Variants in CCNT2 observed in about 807,000 individuals in gnomAD.
CCNT2 encodes cyclin T2, also known as cyclin-T2.
CCNT2 carries 18 observed loss-of-function variants against 70.0 expected under a neutral mutation model. The observed-to-expected ratio is 0.26, with a 90% CI of 0.18 to 0.38. CCNT2 has a LOEUF of 0.38. Among genes scored for constraint, CCNT2 ranks in the 10% least tolerant of loss-of-function variants. The pLI, the probability that CCNT2 is intolerant of heterozygous loss-of-function variation, is 1.00. For synonymous variants in CCNT2, 334 were observed against 313.3 expected, an observed-to-expected ratio of 1.07 and a Z score of -0.70; for missense variants, 734 against 890.2, an observed-to-expected ratio of 0.82 and a Z score of 2.23.
chr2:134,945,675 A>AT (rs1274901725), intron 5 of CCNT2: 1 of 1,241,862 alleles, frequency 8.1e-7, no homozygotes, highest in Non-Finnish European at 1.0e-6. Flanking sequence ...TGATGGAAGT[A>AT]TTTAAGCCAA....
Position 134,946,094 on chromosome 2 carries a change from C to G in CCNT2, c.494-7C>G. 6.7e-7 allele frequency: 1 copy of G among 1,502,540 alleles called. No homozygotes were observed. 93.1% of individuals were successfully genotyped at this position (1,502,540 alleles called of 1,614,324 possible). On this transcript the variant is annotated splice_region_variant and splice_polypyrimidine_tract_variant and intron_variant, in intron 5 of 8. Transcript: ENST00000264157. ...GTATTGTCTTCGTTTTTTTTTTTTTCTTACAGCAAGCAAGGATTTGGCACA... is the reference window on the plus strand; with the variant it reads ...GTATTGTCTTCGTTTTTTTTTTTTTGTTACAGCAAGCAAGGATTTGGCACA...
chr2:134,927,450 A>G (rs1186361278), intron 2 of CCNT2, among the ~76,000 whole-genome samples: 2 of 152,144 alleles, frequency 1.3e-5, no homozygotes, highest in East Asian at 3.9e-4. Flanking sequence ...GCATGGCAGG[A>G]GTGCAAGAGA....
chr2:134,940,985 T>C (rs923884751), intron 4 of CCNT2, among the ~76,000 whole-genome samples: 1 of 152,208 alleles, frequency 6.6e-6, no homozygotes, highest in Non-Finnish European at 1.5e-5. Flanking sequence ...GCTGCAGCTA[T>C]ACCAGCAGGC....
At position 134,958,405 on chromosome 2, in the gene CCNT2, T is replaced by A. The variant is rs531555131; in HGVS notation, c.*3757T>A. 6.6e-6 allele frequency: 1 copy of A among 152,316 alleles called. No individual in the cohort carries two copies. The highest frequency in any genetic ancestry group is 1.9e-4 in the East Asian group (1 of 5,190). The allele number at this position is 152,316 out of a possible 1,614,324, so 9.4% of individuals were successfully genotyped here. Reference sequence around the variant, plus strand: ...AAGGGAGACAGTAGGATTCACTGACTACCTTTACCCAGATGAGGGATCAAC... The same window carrying A: ...AAGGGAGACAGTAGGATTCACTGACAACCTTTACCCAGATGAGGGATCAAC... On this transcript the variant is annotated 3_prime_UTR_variant, in exon 9 of 9. Coordinates refer to ENST00000264157, the MANE Select transcript of CCNT2 (RefSeq NM_058241.3).
chr2:134,938,183 G>A (rs1392188417), intron 3 of CCNT2, among the ~76,000 whole-genome samples: 1 of 151,986 alleles, frequency 6.6e-6, no homozygotes, highest in Non-Finnish European at 1.5e-5. Flanking sequence ...ATTTCTTGGG[G>A]TACTGTTTAA....
chr2:134,939,870 T>G (rs1432681970), intron 4 of CCNT2, among the ~76,000 whole-genome samples: 1 of 152,232 alleles, frequency 6.6e-6, no homozygotes, highest in East Asian at 1.9e-4. Context: ...ACCATTCACC[T>G]TACTCAATTT....
intron 1 of CCNT2, among the ~76,000 whole-genome samples, chr2:134,919,284 C>T (rs989493473): frequency 1.3e-5 from 2 of 152,108 alleles, no homozygotes; most frequent in Non-Finnish European, 2.9e-5. Context: ...GAGTGTGGCT[C>T]AGGCGAAAGA....
chr2:134,932,178 G>A (rs1680828747), intron 2 of CCNT2, among the ~76,000 whole-genome samples: 1 of 128,928 alleles, frequency 7.8e-6, no homozygotes, highest in Non-Finnish European at 1.6e-5. Flanking sequence ...TAGAGACGGG[G>A]TTTCACCATG....
At position 134,919,804 on chromosome 2, in the gene CCNT2, T is replaced by C. The variant is rs1679744826; in HGVS notation, c.159-6T>C. The C allele has an allele frequency of 3.7e-6, 6 of 1,601,272 alleles. No homozygotes were observed. In the East Asian group the frequency reaches 1.3e-4, roughly 36 times the overall value. ...TGTCAGATATTTCCTAAATATTACG[T>C]TCCAGCTCTCAGCTTACAATAAACA... is the stretch of plus-strand genomic sequence containing the variant. On this transcript the variant is annotated splice_region_variant and splice_polypyrimidine_tract_variant and intron_variant, in intron 1 of 8. Transcript: ENST00000264157.
rs1682894683 is a variant in CCNT2, at chr2:134,955,916, C to CAGT, written c.*1272_*1274dup. On this transcript the variant is annotated 3_prime_UTR_variant, in exon 9 of 9. Transcript: ENST00000264157. ...GAAAAGGTCAGCCTCCCAGGCAAACCAGTAGTGGAGGTTTTACATTTGTTT... is the reference window on the plus strand; with the variant it reads ...GAAAAGGTCAGCCTCCCAGGCAAACCAGTAGTAGTGGAGGTTTTACATTTGTTT... The CAGT allele has an allele frequency of 6.6e-6, 1 of 152,594 alleles. No homozygotes were observed. The highest frequency in any genetic ancestry group is 1.9e-4 in the East Asian group (1 of 5,200). 9.5% of individuals were successfully genotyped at this position (152,594 alleles called of 1,614,324 possible). A position where few individuals can be genotyped will look rare whatever the true frequency, so the allele number is the denominator to read the frequency against.
At chr2:134,920,033 G>T in intron 2 of CCNT2, 142 bp downstream of exon 2, 1 of 553,406 alleles carries the variant, frequency 1.8e-6, no homozygotes, top group South Asian at 2.4e-5. Flanking sequence ...TTTTGCTTCA[G>T]ATGCGGTGTT....
At chr2:134,948,336 G>T (rs1682154123) in intron 7 of CCNT2, among the ~76,000 whole-genome samples, 1 of 144,124 alleles carries the variant, frequency 6.9e-6, no homozygotes, top group African/African-American at 2.5e-5. Context: ...GCTTTTTCAG[G>T]ACTTAAAAAA....
rs143823964 is a variant in CCNT2, at chr2:134,919,987, C to G, written c.240+96C>G. 23 of 785,560 alleles carry G rather than the reference C, an allele frequency of 2.9e-5. 1 individual carries two copies. The African/African-American group carries it at 3.3e-4, about 11-fold the overall frequency. The allele number at this position is 785,560 out of a possible 1,614,324, so 48.7% of individuals were successfully genotyped here. A position where few individuals can be genotyped will look rare whatever the true frequency, so the allele number is the denominator to read the frequency against. On this transcript the variant is annotated intron_variant, in intron 2 of 8. Transcript: ENST00000264157. Reference sequence around the variant, plus strand: ...TCATTGCGTTGTTGGATTTAGTGTTCTGAATTAACGGTAAACGTATATCAC... The same window carrying G: ...TCATTGCGTTGTTGGATTTAGTGTTGTGAATTAACGGTAAACGTATATCAC...
chr2:134,946,901 T>A (rs893935784), intron 6 of CCNT2, among the ~76,000 whole-genome samples: 5 of 152,154 alleles, frequency 3.3e-5, no homozygotes, highest in African/African-American at 9.7e-5. Flanking sequence ...CAAACCAGCT[T>A]TGTATGGTCC....
chr2:134,928,567 C>T (rs1208426567), intron 2 of CCNT2, among the ~76,000 whole-genome samples: 1 of 152,074 alleles, frequency 6.6e-6, no homozygotes, highest in Non-Finnish European at 1.5e-5. Flanking sequence ...CATGAGCCAC[C>T]GTGCCCAGCC....
intron 1 of CCNT2, 69 bp downstream of exon 1, chr2:134,919,081 C>G: frequency 6.7e-7 from 1 of 1,491,386 alleles, no homozygotes; most frequent in Non-Finnish European, 8.9e-7. Flanking sequence ...TGGTGCCCCG[C>G]GAACATGGCG....
chr2:134,949,802 C>CTGG (rs747759528), intron 7 of CCNT2, among the ~76,000 whole-genome samples: 2 of 48,896 alleles, frequency 4.1e-5, no homozygotes, highest in Non-Finnish European at 8.6e-5. Flanking sequence ...ATTTTTTTTT[C>CTGG]GGGGGGGGGG....
At chr2:134,934,754 G>A (rs1169980777) in intron 2 of CCNT2, among the ~76,000 whole-genome samples, 1 of 152,182 alleles carries the variant, frequency 6.6e-6, no homozygotes, top group African/African-American at 2.4e-5. Context: ...CTTGATCAGT[G>A]TCTTTCAGGC....
intron 3 of CCNT2, 35 bp from the exon 4 acceptor site, chr2:134,938,967 A>G (rs1681364200): frequency 1.4e-6 from 2 of 1,387,080 alleles, no homozygotes; most frequent in Non-Finnish European, 2.0e-6. Context: ...TGTTATTTTT[A>G]TTTTAATCAA....
Sources: allele counts gnomAD v4.1 joint callset (sites outside exome capture counted in the v4.1 genomes callset), GRCh38; gene constraint gnomAD v4.1.1; transcripts MANE v1.5; gene names NCBI Gene and HGNC (gene_info 2026-07-23, HGNC 2026-07-21).